LRFN4: variants seen among roughly 807,000 people sequenced by gnomAD.
The protein encoded by LRFN4 is leucine rich repeat and fibronectin type III domain containing 4.
LRFN4 carries 10 observed loss-of-function variants against 29.0 expected under a neutral mutation model. That is an observed-to-expected ratio of 0.35 (90% CI 0.21 to 0.59). The LOEUF (loss-of-function observed/expected upper bound fraction) is 0.59. Among genes scored for constraint, LRFN4 ranks in the 20% least tolerant of loss-of-function variants. LRFN4 has a pLI of 0.82. For missense variants in LRFN4, 850 were observed against 907.9 expected (o/e 0.94, Z 0.82); for synonymous variants, 493 against 437.0 (o/e 1.13, Z -1.60).
rs962014971 is a variant in LRFN4, at chr11:66,859,630, C to G, written c.1350-7C>G. 2 of 1,612,694 alleles carry G rather than the reference C, an allele frequency of 1.2e-6. No homozygotes were observed. The highest frequency in any genetic ancestry group is 1.7e-6 in the Non-Finnish European group (2 of 1,179,820). Reference sequence around the variant, plus strand: ...CCCGGGCTCTGACCACCTGCCCTTGCCTGCAGGATTGTCCCAGCCTCCAGC... The same window carrying G: ...CCCGGGCTCTGACCACCTGCCCTTGGCTGCAGGATTGTCCCAGCCTCCAGC... On this transcript the variant is annotated splice_polypyrimidine_tract_variant and splice_region_variant and intron_variant, in intron 1 of 1. Coordinates refer to ENST00000309602, the MANE Select transcript of LRFN4 (RefSeq NM_024036.5).
At position 66,858,882 on chromosome 11, in the gene LRFN4, G is replaced by C; in HGVS notation, c.1138G>C (p.Glu380Gln). 1.3e-6 allele frequency: 2 copies of C among 1,558,704 alleles called. No homozygotes were observed. The highest frequency in any genetic ancestry group is 1.7e-6 in the Non-Finnish European group (2 of 1,151,224). The change falls in exon 1 of 2, where the codon GAG (glutamate) becomes CAG (glutamine). Residue 380 changes from glutamate to glutamine, a missense_variant. Glu to Gln is a conservative substitution (Grantham distance 29). Around this residue, in one of 2 missense-constraint regions of LRFN4, gnomAD observed 744 missense variants for 753.8 expected, o/e 0.99. Coordinates refer to ENST00000309602, the MANE Select transcript of LRFN4 (RefSeq NM_024036.5). This position sits in a 1 kb window ranked among gnomAD's most constrained non-coding sequence, Gnocchi z 5.9. ...GCCCCATGGTGGGAACAGCAGTGCC[G>C]AGGGGGGCCGCCCCGGGCCCTCGGA... ...ALPHGGNSSAEGGRPGPSDIA... is the reference protein window; with the variant it reads ...ALPHGGNSSAQGGRPGPSDIA...
rs544697193 is a variant in LRFN4, at chr11:66,859,207, C to T, written c.1349+114C>T. On this transcript the variant is annotated intron_variant, in intron 1 of 1. Transcript: ENST00000309602. ...CTCTCTGGGGCTGACACCCCCTCCCCGACCATGGCTGCTGGACTCTTGGAG... is the reference window on the plus strand; with the variant it reads ...CTCTCTGGGGCTGACACCCCCTCCCTGACCATGGCTGCTGGACTCTTGGAG... 5.8e-5 allele frequency: 76 copies of T among 1,302,522 alleles called. No homozygotes were observed. In the South Asian group the frequency reaches 7.2e-4, roughly 12 times the overall value. 80.7% of individuals were successfully genotyped at this position (1,302,522 alleles called of 1,614,324 possible). A position where few individuals can be genotyped will look rare whatever the true frequency, so the allele number is the denominator to read the frequency against.
chr11:66,857,236 G>A lies in LRFN4; in HGVS notation c.-509G>A, dbSNP rs1424234835. ...CCCCGCGGGAGAGCGGCCAGGAGTC[G>A]GCGGGGGCCGGCCGGGCTCGCAGGG... On this transcript the variant is annotated 5_prime_UTR_variant, in exon 1 of 2. Coordinates refer to ENST00000309602, the MANE Select transcript of LRFN4 (RefSeq NM_024036.5). The surrounding 1 kb of genome is among the most constrained non-coding windows in gnomAD (Gnocchi z 7.1). 1 of 148,896 alleles carries A rather than the reference G, an allele frequency of 6.7e-6. No individual in the cohort carries two copies. Among genetic ancestry groups the A allele is most frequent in the African/African-American group, 2.4e-5 (1 of 41,022 alleles). The allele number at this position is 148,896 out of a possible 1,614,324, so 9.2% of individuals were successfully genotyped here.
At position 66,858,927 on chromosome 11, in the gene LRFN4, A is replaced by G. The variant is rs566421079; in HGVS notation, c.1183A>G (p.Thr395Ala). ...CTCGGACATCGCCGCCTCCGCTCGC[A>G]CTGCTGCCGAGGGTGAGGGGACGCT... ...GPSDIAASAR[T>A]AAEGEGTLES... Residue 395 changes from threonine (T) to alanine (A), a missense_variant, in exon 1 of 2, where the codon ACT becomes GCT. Physicochemically the swap from Thr to Ala is moderately conservative, Grantham distance 58. Coordinates refer to ENST00000309602, the MANE Select transcript of LRFN4 (RefSeq NM_024036.5). The surrounding 1 kb of genome is among the most constrained non-coding windows in gnomAD (Gnocchi z 5.9). 3.7e-5 allele frequency: 58 copies of G among 1,573,482 alleles called. No homozygotes were observed. In the East Asian group the frequency reaches 6.1e-4, roughly 17 times the overall value.
Position 66,858,819 on chromosome 11 carries a change from G to A in LRFN4, c.1075G>A (p.Glu359Lys). 6.4e-7 allele frequency: 1 copy of A among 1,550,430 alleles called. No individual in the cohort carries two copies. ...CTGCATCGCCACCAACCCTGCTGGT[G>A]AGGCCACAGCCCGAGTAGAACTGCG... ...YTCIATNPAG[E>K]ATARVELRVL... Residue 359 changes from glutamate (E) to lysine (K), a missense_variant, in exon 1 of 2, where the codon GAG becomes AAG. Transcript: ENST00000309602. The surrounding 1 kb of genome is among the most constrained non-coding windows in gnomAD (Gnocchi z 5.9).
Position 66,857,142 on chromosome 11 carries a change from G to A in LRFN4, c.-603G>A, listed in dbSNP as rs1945904344. On this transcript the variant is annotated 5_prime_UTR_variant, in exon 1 of 2. Transcript: ENST00000309602. This position sits in a 1 kb window ranked among gnomAD's most constrained non-coding sequence, Gnocchi z 7.1. Reference sequence around the variant, plus strand: ...AAAGGTGCCGGGAACCGAGCGAGCCGGGGCCGCGGGCCCGAGCGCCATGGG... The same window carrying A: ...AAAGGTGCCGGGAACCGAGCGAGCCAGGGCCGCGGGCCCGAGCGCCATGGG... The A allele has an allele frequency of 6.7e-6, 1 of 148,298 alleles. No individual in the cohort carries two copies. The highest frequency in any genetic ancestry group is 6.7e-5 in the Admixed American group (1 of 14,914). 9.2% of individuals were successfully genotyped at this position (148,298 alleles called of 1,614,324 possible). A position where few individuals can be genotyped will look rare whatever the true frequency, so the allele number is the denominator to read the frequency against.
Position 66,858,373 on chromosome 11 carries a change from C to G in LRFN4, c.629C>G (p.Pro210Arg). The G allele has an allele frequency of 6.3e-7, 1 of 1,583,398 alleles. No individual in the cohort carries two copies. Among genetic ancestry groups the G allele is most frequent in the Non-Finnish European group, 8.6e-7 (1 of 1,169,382 alleles). ...TCCAACCGCCTGGCCACGCTGGCTC[C>G]GGACCCGCTTTTCTCTCGTGGGCGT... is the stretch of plus-strand genomic sequence containing the variant. ...LTSNRLATLA[P>R]DPLFSRGRDA... Residue 210 changes from proline to arginine, a missense_variant, in exon 1 of 2, where the codon CCG becomes CGG. By Grantham distance (103) the Pro-to-Arg change is moderately radical. Coordinates refer to ENST00000309602, the MANE Select transcript of LRFN4 (RefSeq NM_024036.5). The surrounding 1 kb of genome is among the most constrained non-coding windows in gnomAD (Gnocchi z 5.9).
chr11:66,858,688 T>TCGAC lies in LRFN4; in HGVS notation c.946_947insACCG (p.Gly316AspfsTer4), dbSNP rs1946037005. On this transcript the variant is annotated frameshift_variant, in exon 1 of 2. Coordinates refer to ENST00000309602, the MANE Select transcript of LRFN4 (RefSeq NM_024036.5). LOFTEE classifies it high-confidence loss of function. The surrounding 1 kb of genome is among the most constrained non-coding windows in gnomAD (Gnocchi z 5.9). ...GACCCCGCGCCTACCATGCACTGGG[T>TCGAC]CGGTCCTGACGACCGGTTGGTTGGC... 1 of 1,547,814 alleles carries TCGAC rather than the reference T, an allele frequency of 6.5e-7. No homozygotes were observed.
rs760557471 is a variant in LRFN4, at chr11:66,859,832, C to T, written c.1545C>T (p.Gly515=). The change falls in exon 2 of 2, where the codon GGC becomes GGT. Residue 515 remains glycine, a synonymous_variant. Transcript: ENST00000309602. ...ACGCCCTGCAGGCCCACGTGCTGGG[C>T]GGGACCCTGACCGTGGCCGTGGGGG... is the stretch of plus-strand genomic sequence containing the variant. ...LCHALQAHVL[G]GTLTVAVGGV... 25 of 1,573,978 alleles carry T rather than the reference C, an allele frequency of 1.6e-5. No homozygotes were observed. The East Asian group carries it at 2.2e-4, about 14-fold the overall frequency.
In LRFN4 at chr11:66,858,516, G is replaced by A. The variant is rs1438542016; in HGVS notation, c.772G>A (p.Ala258Thr). Residue 258 changes from alanine (A) to threonine (T), a missense_variant, in exon 1 of 2, where the codon GCC (alanine) becomes ACC (threonine). Ala to Thr is a moderately conservative substitution (Grantham distance 58, BLOSUM62 0). Around this residue, in one of 2 missense-constraint regions of LRFN4, gnomAD observed 744 missense variants for 753.8 expected, o/e 0.99. Coordinates refer to ENST00000309602, the MANE Select transcript of LRFN4 (RefSeq NM_024036.5). The surrounding 1 kb of genome is among the most constrained non-coding windows in gnomAD (Gnocchi z 5.9). The part of the protein sequence containing the change: ...LARPDDLETC[A>T]SPPGLAGRYF... ...GCGGCCGGACGACCTGGAAACGTGC[G>A]CCTCCCCGCCCGGCCTGGCCGGCCG... The A allele has an allele frequency of 1.7e-5, 26 of 1,534,868 alleles. No homozygotes were observed. Among genetic ancestry groups the A allele is most frequent in the Non-Finnish European group, 1.9e-5 (22 of 1,146,056 alleles).
In LRFN4 at chr11:66,859,722, C is replaced by T; in HGVS notation, c.1435C>T (p.Pro479Ser). 6.2e-7 allele frequency: 1 copy of T among 1,611,494 alleles called. No individual in the cohort carries two copies. Among genetic ancestry groups the T allele is most frequent in the African/African-American group, 1.3e-5 (1 of 75,030 alleles). The change falls in exon 2 of 2, where the codon CCG (proline) becomes TCG (serine). Residue 479 changes from proline (P) to serine (S), a missense_variant. Around this residue, in one of 2 missense-constraint regions of LRFN4, gnomAD observed 744 missense variants for 753.8 expected, o/e 0.99. Coordinates refer to ENST00000309602, the MANE Select transcript of LRFN4 (RefSeq NM_024036.5). Reference protein sequence around the residue: ...DYDLCLLALSPAAGPSDLTAT... With the variant: ...DYDLCLLALSSAAGPSDLTAT... ...TGACCTCTGCCTGCTGGCCTTGTCA[C>T]CGGCCGCTGGGCCCTCTGACCTCAC...
chr11:66,860,069 C>T lies in LRFN4; in HGVS notation c.1782C>T (p.Tyr594=), dbSNP rs754243097. The part of the protein sequence containing the change: ...CSLDLGDAGC[Y]GYARRLGGAW... ...TGGACCTGGGAGATGCCGGGTGCTA[C>T]GGTTATGCCAGGCGCCTGGGAGGAG... Residue 594 remains tyrosine (Y), a synonymous_variant, in exon 2 of 2, where the codon TAC becomes TAT. Coordinates refer to ENST00000309602, the MANE Select transcript of LRFN4 (RefSeq NM_024036.5). 9.3e-5 allele frequency: 145 copies of T among 1,562,482 alleles called. 1 individual carries two copies. Among genetic ancestry groups the T allele is most frequent in the Middle Eastern group, 3.4e-4 (2 of 5,958 alleles).
At position 66,857,241 on chromosome 11, in the gene LRFN4, G is replaced by GGGCCGGCCGGGCTCGCAGGGA; in HGVS notation, c.-495_-475dup. 1 of 148,744 alleles carries GGGCCGGCCGGGCTCGCAGGGA rather than the reference G, an allele frequency of 6.7e-6. No individual in the cohort carries two copies. Among genetic ancestry groups the GGGCCGGCCGGGCTCGCAGGGA allele is most frequent in the African/African-American group, 2.4e-5 (1 of 40,962 alleles). The allele number at this position is 148,744 out of a possible 1,614,324, so 9.2% of individuals were successfully genotyped here. ...CGGGAGAGCGGCCAGGAGTCGGCGG[G>GGGCCGGCCGGGCTCGCAGGGA]GGCCGGCCGGGCTCGCAGGGAGGCC... On this transcript the variant is annotated 5_prime_UTR_variant, in exon 1 of 2. Transcript: ENST00000309602. This position sits in a 1 kb window ranked among gnomAD's most constrained non-coding sequence, Gnocchi z 7.1.
Position 66,857,693 on chromosome 11 carries a change from C to CGCCAGCCCCACCTGT in LRFN4, c.-48_-34dup, listed in dbSNP as rs1239420416. ...TGTCCTGGGCCCAAGTGGGCACCTG[C>CGCCAGCCCCACCTGT]GCCAGCCCCACCTGTGCCTGGGCTG... On this transcript the variant is annotated 5_prime_UTR_variant, in exon 1 of 2. Coordinates refer to ENST00000309602, the MANE Select transcript of LRFN4 (RefSeq NM_024036.5). This position sits in a 1 kb window ranked among gnomAD's most constrained non-coding sequence, Gnocchi z 7.1. 2.0e-6 allele frequency: 3 copies of CGCCAGCCCCACCTGT among 1,533,886 alleles called. No homozygotes were observed. Among genetic ancestry groups the CGCCAGCCCCACCTGT allele is most frequent in the Non-Finnish European group, 2.6e-6 (3 of 1,144,332 alleles).
Position 66,858,584 on chromosome 11 carries a change from G to T in LRFN4, c.840G>T (p.Pro280=), listed in dbSNP as rs1230364414. Residue 280 remains proline (P), a synonymous_variant, in exon 1 of 2, where the codon CCG becomes CCT. Coordinates refer to ENST00000309602, the MANE Select transcript of LRFN4 (RefSeq NM_024036.5). The surrounding 1 kb of genome is among the most constrained non-coding windows in gnomAD (Gnocchi z 5.9). ...AVPEGEFSCE[P]PLIARHTQRL... ...CCGAGGGCGAGTTCTCCTGTGAGCCGCCCCTCATTGCCCGCCACACGCAGC... is the reference window on the plus strand; with the variant it reads ...CCGAGGGCGAGTTCTCCTGTGAGCCTCCCCTCATTGCCCGCCACACGCAGC... The T allele has an allele frequency of 1.3e-6, 2 of 1,532,526 alleles. No homozygotes were observed. Among genetic ancestry groups the T allele is most frequent in the East Asian group, 4.9e-5 (2 of 40,812 alleles). The allele number at this position is 1,532,526 out of a possible 1,614,324, so 94.9% of individuals were successfully genotyped here.
rs1946182493 is a variant in LRFN4 at position 66,860,327 on chromosome 11, G to A, written c.*132G>A. 7.5e-7 allele frequency: 1 copy of A among 1,333,600 alleles called. No individual in the cohort carries two copies. The allele number at this position is 1,333,600 out of a possible 1,614,324, so 82.6% of individuals were successfully genotyped here. The stretch of plus-strand genomic sequence containing the variant: ...CTCAGGCTCCCCTGTGTACTTGGAG[G>A]GGCAGGGAGCCCTTTCCTCGGTTCT... On this transcript the variant is annotated 3_prime_UTR_variant, in exon 2 of 2. Transcript: ENST00000309602.
rs752420546 is a variant in LRFN4 at position 66,858,670 on chromosome 11, C to A, written c.926C>A (p.Ala309Glu). ...TLRCRALGDP[A>E]PTMHWVGPDD... is the part of the protein sequence containing the mutation. ...CGGTGCCGGGCCCTGGGTGACCCCG[C>A]GCCTACCATGCACTGGGTCGGTCCT... Residue 309 changes from alanine (A) to glutamate (E), a missense_variant, in exon 1 of 2, where the codon GCG (alanine) becomes GAG (glutamate). Physicochemically the swap from Ala to Glu is moderately radical, Grantham distance 107 (BLOSUM62 -1). Transcript: ENST00000309602. This position sits in a 1 kb window ranked among gnomAD's most constrained non-coding sequence, Gnocchi z 5.9. 6.5e-7 allele frequency: 1 copy of A among 1,545,068 alleles called. No homozygotes were observed. Among genetic ancestry groups the A allele is most frequent in the African/African-American group, 1.4e-5 (1 of 73,238 alleles).
Position 66,859,932 on chromosome 11 carries a change from C to T in LRFN4, c.1645C>T (p.Leu549Phe), listed in dbSNP as rs756667500. The T allele has an allele frequency of 3.8e-6, 6 of 1,590,156 alleles. No homozygotes were observed. The African/African-American group carries it at 4.0e-5, about 11-fold the overall frequency. ...GGGCCGGGGGGCCGGAAATGGCCGCCTCCCCCTCAAGCTCAGCCACGTCCA... is the reference window on the plus strand; with the variant it reads ...GGGCCGGGGGGCCGGAAATGGCCGCTTCCCCCTCAAGCTCAGCCACGTCCA... ...VRGRGAGNGR[L>F]PLKLSHVQSQ... Residue 549 changes from leucine (L) to phenylalanine (F), a missense_variant, in exon 2 of 2, where the codon CTC (leucine) becomes TTC (phenylalanine). Transcript: ENST00000309602.
Position 66,858,215 on chromosome 11 carries a change from C to T in LRFN4, c.471C>T (p.Leu157=), listed in dbSNP as rs1346553237. Residue 157 remains leucine, a synonymous_variant, in exon 1 of 2, where the codon CTC becomes CTT. Transcript: ENST00000309602. The surrounding 1 kb of genome is among the most constrained non-coding windows in gnomAD (Gnocchi z 5.9). Reference sequence around the variant, plus strand: ...ACCTGGACCTGTCCTACAACAACCTCCGGCAGGTGCCCTGGGCCGGCATCG... The same window carrying T: ...ACCTGGACCTGTCCTACAACAACCTTCGGCAGGTGCCCTGGGCCGGCATCG... ...LEDLDLSYNN[L]RQVPWAGIGA... 7 of 1,612,548 alleles carry T rather than the reference C, an allele frequency of 4.3e-6. No homozygotes were observed. Among genetic ancestry groups the T allele is most frequent in the Non-Finnish European group, 5.9e-6 (7 of 1,179,914 alleles).
Sources: allele counts gnomAD v4.1 joint callset, GRCh38; gene constraint gnomAD v4.1.1; regional missense constraint gnomAD v4.1.1; non-coding constraint Gnocchi (gnomAD v3.1); transcripts MANE v1.5; gene names NCBI Gene and HGNC (gene_info 2026-07-23, HGNC 2026-07-21).